PKIA: variants seen among roughly 807,000 people sequenced by gnomAD.
PKIA encodes the protein PKI-alpha.
In PKIA, 4 loss-of-function variants were observed where a neutral mutation model predicts 7.6. That is an observed-to-expected ratio of 0.52 (90% CI 0.26 to 1.20). The LOEUF is 1.20. Ranked by LOEUF, PKIA falls within the 50% of genes most tolerant of loss-of-function variation. The probability of loss-of-function intolerance (pLI) is 0.13; values close to 1 mark genes in which losing one functional copy is unlikely to be tolerated. For synonymous variants in PKIA, 21 were observed against 30.7 expected (o/e 0.68, Z 1.04); for missense variants, 73 against 86.2 (o/e 0.85, Z 0.61).
At chr8:78,541,519 TTTGA>T (rs1806686765) in intron 1 of PKIA, among the ~76,000 whole-genome samples, 1 of 152,148 alleles carries the variant, frequency 6.6e-6, no homozygotes, top group South Asian at 2.1e-4. Context: ...TCTTTAAACT[TTTGA>T]TTATTTCATA....
chr8:78,586,143 C>A (rs540714442), intron 2 of PKIA, among the ~76,000 whole-genome samples: 1 of 152,230 alleles, frequency 6.6e-6, no homozygotes, highest in Admixed American at 6.5e-5. Flanking sequence ...CAATCAAAGT[C>A]ACTTCTATTT....
chr8:78,562,305 T>C (rs1041657592), intron 1 of PKIA, among the ~76,000 whole-genome samples: 2 of 152,164 alleles, frequency 1.3e-5, no homozygotes, highest in African/African-American at 4.8e-5. Context: ...TTAAAAAATT[T>C]GTTATCATTA....
chr8:78,601,692 A>T lies in PKIA; in HGVS notation c.152-50A>T, dbSNP rs1005841558. 3.7e-6 allele frequency: 5 copies of T among 1,361,472 alleles called. No homozygotes were observed. In the African/African-American group the frequency reaches 7.2e-5, roughly 20 times the overall value. 84.3% of individuals were successfully genotyped at this position (1,361,472 alleles called of 1,614,324 possible). A position where few individuals can be genotyped will look rare whatever the true frequency, so the allele number is the denominator to read the frequency against. Reference sequence around the variant, plus strand: ...GACATATTGACAGTTGGTAAATAAAAGCAATCATTTTTATTTTGCCTTTAT... The same window carrying T: ...GACATATTGACAGTTGGTAAATAAATGCAATCATTTTTATTTTGCCTTTAT... On this transcript the variant is annotated intron_variant, in intron 3 of 3. Transcript: ENST00000396418.
intron 1 of PKIA, among the ~76,000 whole-genome samples, chr8:78,532,905 C>G (rs184449104): frequency 9.9e-5 from 15 of 152,042 alleles, no homozygotes; most frequent in Admixed American, 1.3e-4. Flanking sequence ...AGCAACAGAG[C>G]GACTCTGTCT....
chr8:78,525,931 G>GT (rs71304772), intron 1 of PKIA, among the ~76,000 whole-genome samples: 12,603 of 152,028 alleles, frequency 0.083, 577 homozygotes, highest in Middle Eastern at 0.17. Flanking sequence ...CTCAACCTCT[G>GT]TGAGTTGTTT....
rs1808412245 is a variant in PKIA at position 78,603,832 on chromosome 8, T to A, written c.*2011T>A. Reference sequence around the variant, plus strand: ...GTGATTTTGAAAAGTTTAGAACCAGTGCTGAGTCTATGTGGAGGGTTTATA... The same window carrying A: ...GTGATTTTGAAAAGTTTAGAACCAGAGCTGAGTCTATGTGGAGGGTTTATA... On this transcript the variant is annotated 3_prime_UTR_variant, in exon 4 of 4. Transcript: ENST00000396418. The A allele has an allele frequency of 6.6e-6, 1 of 152,022 alleles. No homozygotes were observed. The highest frequency in any genetic ancestry group is 1.5e-5 in the Non-Finnish European group (1 of 67,964). 9.4% of individuals were successfully genotyped at this position (152,022 alleles called of 1,614,324 possible).
At position 78,601,916 on chromosome 8, in the gene PKIA, G is replaced by GA; in HGVS notation, c.*99dup. On this transcript the variant is annotated 3_prime_UTR_variant, in exon 4 of 4. Transcript: ENST00000396418. ...TTTCCATGAGTGAAAAGAGGAAAAA[G>GA]AAAATGGCTGTGCTGCATTGCAGGA... The GA allele has an allele frequency of 1.0e-6, 1 of 958,380 alleles. No individual in the cohort carries two copies. 59.4% of individuals were successfully genotyped at this position (958,380 alleles called of 1,614,324 possible). A position where few individuals can be genotyped will look rare whatever the true frequency, so the allele number is the denominator to read the frequency against.
intron 3 of PKIA, among the ~76,000 whole-genome samples, chr8:78,600,667 T>C (rs890969256): frequency 2.0e-5 from 3 of 152,096 alleles, no homozygotes; most frequent in Admixed American, 1.3e-4. Context: ...CACAATAAAA[T>C]AGTGCATGAA....
At chr8:78,571,452 C>A (rs183024500) in intron 1 of PKIA, among the ~76,000 whole-genome samples, 1 of 152,112 alleles carries the variant, frequency 6.6e-6, no homozygotes, top group African/African-American at 2.4e-5. Flanking sequence ...CTCTTTAGGG[C>A]ACGCCAGAAG....
At chr8:78,526,763 TAAAC>T (rs1806247517) in intron 1 of PKIA, among the ~76,000 whole-genome samples, 1 of 151,092 alleles carries the variant, frequency 6.6e-6, no homozygotes, top group South Asian at 2.1e-4. Flanking sequence ...GCAAAACTGT[TAAAC>T]AAAATAAAAA....
chr8:78,571,949 G>A (rs1807559878), intron 1 of PKIA, among the ~76,000 whole-genome samples: 1 of 151,950 alleles, frequency 6.6e-6, no homozygotes, highest in South Asian at 2.1e-4. Context: ...ATATGAGAAT[G>A]GCCAATAAGT....
intron 1 of PKIA, among the ~76,000 whole-genome samples, chr8:78,568,658 G>T (rs1478466532): frequency 6.6e-6 from 1 of 152,042 alleles, no homozygotes; most frequent in Non-Finnish European, 1.5e-5. Context: ...AGCTCAGACA[G>T]GGCACCACAG....
chr8:78,563,133 A>T (rs1272097873), intron 1 of PKIA, among the ~76,000 whole-genome samples: 1 of 152,158 alleles, frequency 6.6e-6, no homozygotes, highest in East Asian at 1.9e-4. Flanking sequence ...GTGAGACATT[A>T]TTTAACTTCC....
Position 78,516,448 on chromosome 8 carries a change from C to G in PKIA, c.-177C>G, listed in dbSNP as rs886837096. ...CCGTGGCGGCGTGCGCGGGGACCTG[C>G]GCTGACTAGGTCCGGGGAAGGTAAG... On this transcript the variant is annotated 5_prime_UTR_variant, in exon 1 of 4. Coordinates refer to ENST00000396418, the MANE Select transcript of PKIA (RefSeq NM_006823.4). The G allele has an allele frequency of 1.3e-5, 2 of 152,356 alleles. No homozygotes were observed. The highest frequency in any genetic ancestry group is 1.3e-4 in the Admixed American group (2 of 15,286). 9.4% of individuals were successfully genotyped at this position (152,356 alleles called of 1,614,324 possible).
At chr8:78,579,124 A>G (rs1807745725) in intron 2 of PKIA, among the ~76,000 whole-genome samples, 1 of 151,866 alleles carries the variant, frequency 6.6e-6, no homozygotes, top group Non-Finnish European at 1.5e-5. Flanking sequence ...TAACTTTAAA[A>G]TCTGTCCTGG....
chr8:78,566,342 A>T (rs1287698685), intron 1 of PKIA, among the ~76,000 whole-genome samples: 1 of 152,056 alleles, frequency 6.6e-6, no homozygotes, highest in Non-Finnish European at 1.5e-5. Context: ...GTGATCTCTG[A>T]GTAGCAGAAG....
At chr8:78,567,543 T>C (rs114364475) in intron 1 of PKIA, among the ~76,000 whole-genome samples, 122 of 152,166 alleles carry the variant, frequency 8.0e-4, no homozygotes, top group African/African-American at 2.8e-3. Context: ...AGATGACTTA[T>C]CACTGCTGAT....
chr8:78,550,001 G>A, intron 1 of PKIA, among the ~76,000 whole-genome samples: 1 of 152,042 alleles, frequency 6.6e-6, no homozygotes, highest in East Asian at 1.9e-4. Flanking sequence ...GTATCATTGA[G>A]TAGAACATTA....
chr8:78,583,434 G>A (rs1002038993), intron 2 of PKIA, among the ~76,000 whole-genome samples: 4 of 152,020 alleles, frequency 2.6e-5, no homozygotes, highest in African/African-American at 4.8e-5. Context: ...TCAAAACCAC[G>A]TTCCTTCTAT....
Sources: allele counts gnomAD v4.1 joint callset (sites outside exome capture counted in the v4.1 genomes callset), GRCh38; gene constraint gnomAD v4.1.1; transcripts MANE v1.5; gene names NCBI Gene and HGNC (gene_info 2026-07-23, HGNC 2026-07-21).